XYLB: variants seen among roughly 807,000 people sequenced by gnomAD.
The protein encoded by XYLB is xylulose kinase.
In XYLB, 62 loss-of-function variants were observed where a neutral mutation model predicts 78.7. The ratio of observed to expected loss-of-function variants is 0.79; its 90% confidence interval spans 0.64 to 0.97. The LOEUF is 0.97. Among genes scored for constraint, XYLB ranks in the 50% least tolerant of loss-of-function variants. XYLB has a pLI of 0.00. For missense variants in XYLB, 687 were observed against 676.8 expected, an observed-to-expected ratio of 1.02 and a Z score of -0.17; for synonymous variants, 245 against 247.4, an observed-to-expected ratio of 0.99 and a Z score of 0.09.
At chr3:38,384,770 G>A (rs1447035013) in intron 15 of XYLB, among the ~76,000 whole-genome samples, 1 of 152,104 alleles carries the variant, frequency 6.6e-6, no homozygotes. Context: ...TATTGAAGAA[G>A]TTTTGATTTA....
At chr3:38,352,451 C>G (rs1181028898) in intron 2 of XYLB, among the ~76,000 whole-genome samples, 1 of 152,198 alleles carries the variant, frequency 6.6e-6, no homozygotes, top group African/African-American at 2.4e-5. Flanking sequence ...GTATAGTATG[C>G]TTTCTCTTGT....
Position 38,370,347 on chromosome 3 carries a change from G to C in XYLB, c.765+173G>C, listed in dbSNP as rs1459319497. ...TCAGTTTAGCCTAAGATGTAAGTCAGTGTCTGGATCAGTGCCTTGCACACA... is the reference window on the plus strand; with the variant it reads ...TCAGTTTAGCCTAAGATGTAAGTCACTGTCTGGATCAGTGCCTTGCACACA... On this transcript the variant is annotated intron_variant, in intron 9 of 18. Transcript: ENST00000207870. The C allele has an allele frequency of 8.4e-6, 5 of 595,874 alleles. No homozygotes were observed. In the African/African-American group the frequency reaches 9.2e-5, roughly 11 times the overall value. The allele number at this position is 595,874 out of a possible 1,614,324, so 36.9% of individuals were successfully genotyped here. A position where few individuals can be genotyped will look rare whatever the true frequency, so the allele number is the denominator to read the frequency against.
intron 9 of XYLB, among the ~76,000 whole-genome samples, chr3:38,370,485 C>T (rs764874044): frequency 9.9e-5 from 15 of 152,156 alleles, no homozygotes; most frequent in Non-Finnish European, 1.5e-4. Context: ...AGAAAAAGTG[C>T]ACAGAGTGCT....
At chr3:38,370,476 G>T (rs1706499193) in intron 9 of XYLB, among the ~76,000 whole-genome samples, 2 of 152,150 alleles carry the variant, frequency 1.3e-5, no homozygotes, top group Non-Finnish European at 2.9e-5. Context: ...CATAGCTAAA[G>T]AAAAAGTGCA....
chr3:38,379,146 C>A, intron 14 of XYLB, 100 bp from the exon 15 acceptor site: 1 of 1,210,452 alleles, frequency 8.3e-7, no homozygotes, highest in East Asian at 2.3e-5. Flanking sequence ...AGTTTCAAAT[C>A]TGGGCTGTTG....
At chr3:38,375,074 C>T (rs948031647) in intron 11 of XYLB, 70 bp from the exon 12 acceptor site, 13 of 1,230,234 alleles carry the variant, frequency 1.1e-5, no homozygotes, top group African/African-American at 4.5e-5. Flanking sequence ...TGGAGTACAG[C>T]GCGTCGCTGG....
At chr3:38,435,687 G>A in the XYLB span, among the ~76,000 whole-genome samples, 2 of 152,124 alleles carry the variant, frequency 1.3e-5, no homozygotes, top group Admixed American at 1.3e-4. Flanking sequence ...TAGACCATAT[G>A]TTAGGCCACA....
rs1199837287 is a variant in XYLB, at chr3:38,413,161, G to A, written c.*148G>A. ...GAGTGTCCAGGACCATCTTAAAGCC[G>A]CCCTCAGCACATCTGCATGAAGATA... On this transcript the variant is annotated 3_prime_UTR_variant, in exon 19 of 19. Transcript: ENST00000207870. The A allele has an allele frequency of 7.4e-5, 49 of 658,184 alleles. No homozygotes were observed. In the South Asian group the frequency reaches 8.1e-4, roughly 11 times the overall value. 40.8% of individuals were successfully genotyped at this position (658,184 alleles called of 1,614,324 possible). A position where few individuals can be genotyped will look rare whatever the true frequency, so the allele number is the denominator to read the frequency against.
chr3:38,415,922 C>T (rs1396387080), downstream of XYLB, among the ~76,000 whole-genome samples: 1 of 152,250 alleles, frequency 6.6e-6, no homozygotes, highest in East Asian at 1.9e-4. Context: ...GGACCTTCTT[C>T]ACATGGTGGC....
rs1206972276 is a variant in XYLB, at chr3:38,412,979, GA to G, written c.1579del (p.Ile527SerfsTer24). 4 of 1,604,244 alleles carry G rather than the reference GA, an allele frequency of 2.5e-6. No homozygotes were observed. Among genetic ancestry groups the G allele is most frequent in the Non-Finnish European group, 3.4e-6 (4 of 1,176,400 alleles). ...LLPQYAKLEQRILSQTRGPPE is the reference protein window; with the variant it reads ...LLPQYAKLEQXILSQTRGPPE The stretch of plus-strand genomic sequence containing the variant: ...CCCCAGTATGCCAAACTCGAGCAGA[GA>G]ATCTTGTCTCAGACCCGGGGGCCTC... On this transcript the variant is annotated frameshift_variant, in exon 19 of 19. Transcript: ENST00000207870. LOFTEE classifies it high-confidence loss of function.
At chr3:38,412,082 C>CCTACCT (rs1156320419) in intron 18 of XYLB, among the ~76,000 whole-genome samples, 2 of 151,868 alleles carry the variant, frequency 1.3e-5, no homozygotes, top group African/African-American at 4.8e-5. Context: ...CCCCCGGCTC[C>CCTACCT]CAGGTTCAAG....
At chr3:38,373,896 G>A (rs538263897) in intron 10 of XYLB, among the ~76,000 whole-genome samples, 1 of 152,266 alleles carries the variant, frequency 6.6e-6, no homozygotes, top group East Asian at 1.9e-4. Flanking sequence ...GTGTGCACCT[G>A]TAGTCTTAGC....
intron 15 of XYLB, among the ~76,000 whole-genome samples, chr3:38,391,051 C>T (rs1300709725): frequency 1.3e-5 from 2 of 152,058 alleles, no homozygotes; most frequent in African/African-American, 4.8e-5. Flanking sequence ...GAAACCCCGT[C>T]TCTACTGAAA....
intron 9 of XYLB, 66 bp downstream of exon 9, chr3:38,370,240 GCACACACA>G (rs3219563): frequency 6.2e-6 from 4 of 646,396 alleles, no homozygotes; most frequent in African/African-American, 3.6e-5. Context: ...GCACTGTAGC[GCACACACA>G]CACACACACA....
chr3:38,367,663 T>C (rs1174061673), intron 7 of XYLB, among the ~76,000 whole-genome samples: 1 of 152,188 alleles, frequency 6.6e-6, no homozygotes, highest in Non-Finnish European at 1.5e-5. Flanking sequence ...ATGATTCTCA[T>C]GTGGAAGTAC....
chr3:38,373,552 A>T (rs973822040), intron 10 of XYLB, among the ~76,000 whole-genome samples: 3 of 152,026 alleles, frequency 2.0e-5, no homozygotes, highest in African/African-American at 7.3e-5. Context: ...CATTTATTTC[A>T]CTGGTCCCTG....
At chr3:38,388,002 G>T (rs901671551) in intron 15 of XYLB, among the ~76,000 whole-genome samples, 1 of 151,918 alleles carries the variant, frequency 6.6e-6, no homozygotes, top group South Asian at 2.1e-4. Flanking sequence ...AATGCTGTAC[G>T]TTGTGTTTAA....
At chr3:38,360,865 C>A (rs1232166202) in intron 3 of XYLB, among the ~76,000 whole-genome samples, 3 of 152,108 alleles carry the variant, frequency 2.0e-5, no homozygotes, top group Non-Finnish European at 2.9e-5. Flanking sequence ...GAAACCTTGT[C>A]TCTACTAAAA....
intron 6 of XYLB, among the ~76,000 whole-genome samples, chr3:38,366,215 C>T (rs537315945): frequency 6.6e-6 from 1 of 152,198 alleles, no homozygotes; most frequent in East Asian, 1.9e-4. Context: ...TACATGACCT[C>T]GCTGGAGTAG....
Sources: allele counts gnomAD v4.1 joint callset (sites outside exome capture counted in the v4.1 genomes callset), GRCh38; gene constraint gnomAD v4.1.1; transcripts MANE v1.5; gene names NCBI Gene and HGNC (gene_info 2026-07-23, HGNC 2026-07-21).